Variants in SEPTIN14 observed in about 807,000 individuals in gnomAD.
SEPTIN14 encodes septin 14, also known as septin-14.
SEPTIN14 carries 40 observed loss-of-function variants against 53.6 expected under a neutral mutation model. That is an observed-to-expected ratio of 0.75 (90% confidence interval 0.58 to 0.97). The LOEUF is 0.97. Among genes scored for constraint, SEPTIN14 ranks in the 50% least tolerant of loss-of-function variants. The pLI is 0.00. For missense variants in SEPTIN14, 471 were observed against 508.2 expected, an observed-to-expected ratio of 0.93 and a Z score of 0.70; for synonymous variants, 138 against 166.8, an observed-to-expected ratio of 0.83 and a Z score of 1.33.
intron 6 of SEPTIN14, among the ~76,000 whole-genome samples, chr7:55,821,057 G>A (rs994618383): frequency 2.0e-5 from 3 of 152,134 alleles, no homozygotes; most frequent in African/African-American, 7.2e-5. Flanking sequence ...TTACTGCCCT[G>A]ATTCCAGAAC....
At chr7:55,830,345 A>ACATTTTTTTTT (rs1554330066) in intron 6 of SEPTIN14, among the ~76,000 whole-genome samples, 4 of 40,104 alleles carry the variant, frequency 1.0e-4, no homozygotes, top group African/African-American at 5.8e-4. Flanking sequence ...ATATATATAT[A>ACATTTTTTTTT]TATATTTTTT....
At chr7:55,810,902 C>G in intron 7 of SEPTIN14, 1 of 351,244 alleles carries the variant, frequency 2.8e-6, no homozygotes. Flanking sequence ...CCAATAAGCC[C>G]AAAACTAGGG....
chr7:55,819,390 C>T (rs1788853280), intron 6 of SEPTIN14, among the ~76,000 whole-genome samples, 167 bp from the exon 7 acceptor site: 1 of 152,100 alleles, frequency 6.6e-6, no homozygotes, highest in Non-Finnish European at 1.5e-5. Flanking sequence ...GAGATCGAGA[C>T]CATCCTGGCT....
intron 7 of SEPTIN14, among the ~76,000 whole-genome samples, chr7:55,812,973 G>A (rs1182748543): frequency 6.7e-6 from 1 of 150,132 alleles, no homozygotes; most frequent in Non-Finnish European, 1.5e-5. Context: ...TTTTTTAGAT[G>A]GAGTCTCGCT....
chr7:55,799,188 C>A (rs1200770249), intron 9 of SEPTIN14, among the ~76,000 whole-genome samples: 1 of 151,690 alleles, frequency 6.6e-6, no homozygotes, highest in Non-Finnish European at 1.5e-5. Flanking sequence ...GCCTTAAGGA[C>A]ACACTTAGAC....
At chr7:55,817,670 CTG>C (rs1208289663) in intron 7 of SEPTIN14, among the ~76,000 whole-genome samples, 2 of 151,928 alleles carry the variant, frequency 1.3e-5, no homozygotes, top group African/African-American at 4.8e-5. Flanking sequence ...TTGGGTTTCA[CTG>C]TGTTAGCCAG....
chr7:55,838,613 A>G (rs1323428232), intron 5 of SEPTIN14, among the ~76,000 whole-genome samples: 1 of 142,720 alleles, frequency 7.0e-6, no homozygotes, highest in East Asian at 2.1e-4. Flanking sequence ...GACTTGCTCT[A>G]TTGCCCAGGC....
intron 6 of SEPTIN14, among the ~76,000 whole-genome samples, chr7:55,823,305 G>C (rs1204293825): frequency 1.3e-5 from 2 of 152,056 alleles, no homozygotes; most frequent in Non-Finnish European, 2.9e-5. Flanking sequence ...AAACCAATCA[G>C]CATGCACTCG....
In SEPTIN14 at chr7:55,834,540, T is replaced by A; in HGVS notation, c.605A>T (p.Asn202Ile). 1.9e-6 allele frequency: 3 copies of A among 1,610,808 alleles called. No homozygotes were observed. In the South Asian group the frequency reaches 3.3e-5, roughly 18 times the overall value. The stretch of plus-strand genomic sequence containing the variant: ...CTTATTCTTAAACGTCTGTAAATCA[T>A]TTTTAGAAATAGTGTCTGCTTTGGC... ...LIAKADTISK[N>I]DLQTFKNKIM... Residue 202 changes from asparagine to isoleucine, a missense_variant, in exon 6 of 10, where the codon AAT becomes ATT. Transcript: ENST00000388975.
intron 3 of SEPTIN14, among the ~76,000 whole-genome samples, chr7:55,844,940 T>C (rs1789377010): frequency 6.6e-6 from 1 of 151,206 alleles, no homozygotes; most frequent in Non-Finnish European, 1.5e-5. Context: ...TTATTTTAGG[T>C]TGGGAGTACA....
intron 6 of SEPTIN14, among the ~76,000 whole-genome samples, chr7:55,829,564 A>T (rs943535073): frequency 1.3e-5 from 2 of 152,108 alleles, no homozygotes; most frequent in Non-Finnish European, 2.9e-5. Context: ...TATGCATACA[A>T]ACTAGAAAAC....
At chr7:55,829,085 G>C (rs569631056) in intron 6 of SEPTIN14, among the ~76,000 whole-genome samples, 1 of 151,754 alleles carries the variant, frequency 6.6e-6, no homozygotes, top group East Asian at 1.9e-4. Context: ...TAAGAAAATT[G>C]ATATGGTGCT....
At chr7:55,819,053 G>A (rs1382687855) in intron 7 of SEPTIN14, 74 bp downstream of exon 7, 1 of 845,582 alleles carries the variant, frequency 1.2e-6, no homozygotes, top group East Asian at 2.7e-5. Flanking sequence ...AAGTTAAAAT[G>A]TTATTTTGAG....
At chr7:55,857,825 G>T (rs961338933) in intron 2 of SEPTIN14, among the ~76,000 whole-genome samples, 24 of 151,672 alleles carry the variant, frequency 1.6e-4, no homozygotes, top group African/African-American at 5.8e-4. Context: ...CTGACCTCGT[G>T]ATCCGCCCGC....
Position 55,794,170 on chromosome 7 carries a change from TA to T in SEPTIN14, c.*1742del, listed in dbSNP as rs1218826063. 1 of 152,156 alleles carries T rather than the reference TA, an allele frequency of 6.6e-6. No individual in the cohort carries two copies. The highest frequency in any genetic ancestry group is 2.4e-5 in the African/African-American group (1 of 41,446). 9.4% of individuals were successfully genotyped at this position (152,156 alleles called of 1,614,324 possible). ...CTGTGCCCTCAAAAACCCTATGGAT[TA>T]TACCATTATTACCTAAAAAGTCTAT... On this transcript the variant is annotated 3_prime_UTR_variant, in exon 10 of 10. Coordinates refer to ENST00000388975, the MANE Select transcript of SEPTIN14 (RefSeq NM_207366.3).
At chr7:55,829,850 T>A (rs1386034020) in intron 6 of SEPTIN14, among the ~76,000 whole-genome samples, 1 of 134,098 alleles carries the variant, frequency 7.5e-6, no homozygotes, top group Non-Finnish European at 1.6e-5. Context: ...AAAAAGCCTC[T>A]TCATAGCTTA....
chr7:55,858,814 A>G (rs1789693610), intron 2 of SEPTIN14, among the ~76,000 whole-genome samples: 1 of 151,872 alleles, frequency 6.6e-6, no homozygotes. Context: ...CCCGCCAAAA[A>G]AAGCCCATAG....
intron 6 of SEPTIN14, among the ~76,000 whole-genome samples, chr7:55,830,119 AGTGAGC>A (rs1362766338): frequency 6.8e-6 from 1 of 147,782 alleles, no homozygotes; most frequent in African/African-American, 2.5e-5. Context: ...CGGAGCTTGC[AGTGAGC>A]AGAGATCGCA....
chr7:55,830,447 C>A (rs147143835), intron 6 of SEPTIN14, among the ~76,000 whole-genome samples: 2,132 of 147,354 alleles, frequency 0.014, 61 homozygotes, highest in African/African-American at 0.049. Context: ...CTCGGGTTCA[C>A]GCCATTCTGC....
Sources: allele counts gnomAD v4.1 joint callset (sites outside exome capture counted in the v4.1 genomes callset), GRCh38; gene constraint gnomAD v4.1.1; transcripts MANE v1.5; gene names NCBI Gene and HGNC (gene_info 2026-07-23, HGNC 2026-07-21).